Variants in CCSER1 observed in about 807,000 individuals in gnomAD.
The protein encoded by CCSER1 is serine-rich coiled-coil domain-containing protein 1.
In CCSER1, 41 loss-of-function variants were observed where a neutral mutation model predicts 82.0. The ratio of observed to expected loss-of-function variants is 0.50; its 90% CI spans 0.39 to 0.65. The LOEUF (loss-of-function observed/expected upper bound fraction) is 0.65, where lower values mean the gene tolerates loss of function less well. Ranked by LOEUF, CCSER1 falls within the 30% of genes least tolerant of loss-of-function variation. The probability of loss-of-function intolerance (pLI) is 0.00; values close to 1 mark genes in which losing one functional copy is unlikely to be tolerated. For missense variants in CCSER1, 1,119 were observed against 1,064.2 expected, an observed-to-expected ratio of 1.05 and a Z score of -0.72; for synonymous variants, 414 against 383.9, an observed-to-expected ratio of 1.08 and a Z score of -0.92.
intron 10 of CCSER1, among the ~76,000 whole-genome samples, chr4:91,359,233 T>C (rs1399987217): frequency 6.6e-6 from 1 of 151,852 alleles, no homozygotes; most frequent in Non-Finnish European, 1.5e-5. Flanking sequence ...TACTATACAA[T>C]GTCTGTAATC....
intron 10 of CCSER1, among the ~76,000 whole-genome samples, chr4:91,086,227 T>G (rs1032916434): frequency 1.3e-5 from 2 of 152,132 alleles, no homozygotes; most frequent in Non-Finnish European, 2.9e-5. Context: ...GTTGTTTCTC[T>G]GATTAGGCAA....
chr4:90,530,904 A>C (rs2153630192), intron 5 of CCSER1, among the ~76,000 whole-genome samples: 1 of 152,280 alleles, frequency 6.6e-6, no homozygotes, highest in South Asian at 2.1e-4. Context: ...CTGCCTCAAA[A>C]CTGTCCCCAT....
At chr4:90,622,360 G>T (rs1452929096) in intron 5 of CCSER1, among the ~76,000 whole-genome samples, 3 of 152,120 alleles carry the variant, frequency 2.0e-5, no homozygotes, top group African/African-American at 7.2e-5. Context: ...ATGTTGGTGT[G>T]CTGCACCCAT....
chr4:91,363,411 A>G (rs1228353006), intron 10 of CCSER1, among the ~76,000 whole-genome samples: 2 of 151,068 alleles, frequency 1.3e-5, no homozygotes, highest in African/African-American at 2.4e-5. Context: ...TACAGGGAAA[A>G]GAAGACATAA....
intron 10 of CCSER1, among the ~76,000 whole-genome samples, chr4:91,137,629 C>T (rs1728613284): frequency 6.8e-6 from 1 of 146,056 alleles, no homozygotes; most frequent in Non-Finnish European, 1.5e-5. Flanking sequence ...GTCCCACCAA[C>T]AGTGTCAAAG....
rs568238654 is a variant in CCSER1, at chr4:91,002,504, C to T, written c.2172+79057C>T. Among the ~76,000 whole-genome samples the T allele has an allele frequency of 2.6e-4, 39 of 152,244 alleles. No individual in the cohort carries two copies. In the South Asian group the frequency reaches 8.1e-3, roughly 32 times the overall value. ...TAATTGGAGACCCTGTCTTCAAGCT[C>T]AGAAGTTCTTTATTCTGCTTGCTCC... On this transcript the variant is annotated intron_variant, in intron 9 of 10. Coordinates refer to ENST00000509176, the MANE Select transcript of CCSER1 (RefSeq NM_001145065.2).
At chr4:91,391,021 C>A (rs193247260) in intron 10 of CCSER1, among the ~76,000 whole-genome samples, 28 of 151,952 alleles carry the variant, frequency 1.8e-4, no homozygotes, top group Non-Finnish European at 1.3e-4. Context: ...TTTCAAGGAT[C>A]ATCTTTTGGC....
chr4:90,703,403 A>G (rs894945400), intron 6 of CCSER1, among the ~76,000 whole-genome samples: 3 of 152,156 alleles, frequency 2.0e-5, no homozygotes, highest in Admixed American at 6.5e-5. Flanking sequence ...CTATGTGGTC[A>G]ATTTTGGAAT....
chr4:90,616,683 T>A (rs867584667), intron 5 of CCSER1, among the ~76,000 whole-genome samples: 5 of 120,374 alleles, frequency 4.2e-5, no homozygotes, highest in East Asian at 2.4e-4. Flanking sequence ...TGGCTCTGTC[T>A]CACACACACA....
At position 91,353,106 on chromosome 4, in the gene CCSER1, A is replaced by T. The variant is rs1419933451; in HGVS notation, c.2218-245466A>T. Among the ~76,000 whole-genome samples the T allele has an allele frequency of 4.6e-5, 7 of 152,184 alleles. No homozygotes were observed. The East Asian group carries it at 1.3e-3, about 29-fold the overall frequency. ...AGCAGGACAGCAAATGCAAAGGACA[A>T]TTTCAACATCTTGTAGCAGGATAAG... On this transcript the variant is annotated intron_variant, in intron 10 of 10. Transcript: ENST00000509176.
chr4:90,319,358 A>G (rs1049967372), intron 3 of CCSER1, among the ~76,000 whole-genome samples: 4 of 152,154 alleles, frequency 2.6e-5, no homozygotes, highest in African/African-American at 7.2e-5. Flanking sequence ...GCTTGAAATT[A>G]AAAACAAGAC....
intron 6 of CCSER1, among the ~76,000 whole-genome samples, chr4:90,652,351 T>TAATACAATATA: frequency 6.6e-6 from 1 of 152,220 alleles, no homozygotes; most frequent in Non-Finnish European, 1.5e-5. Context: ...AATAATGTTG[T>TAATACAATATA]ATATGATTGT....
chr4:91,120,430 A>ATATATCTCAGTAATACT (rs1561564359), intron 10 of CCSER1, among the ~76,000 whole-genome samples: 1 of 152,012 alleles, frequency 6.6e-6, no homozygotes, highest in Non-Finnish European at 1.5e-5. Context: ...TCCACCTCTT[A>ATATATCTCAGTAATACT]GAGATTACTT....
intron 9 of CCSER1, among the ~76,000 whole-genome samples, chr4:90,933,289 C>T (rs192427651): frequency 6.7e-6 from 1 of 149,236 alleles, no homozygotes; most frequent in Non-Finnish European, 1.5e-5. Flanking sequence ...CCGGGTTCAC[C>T]GCATTCTCCT....
chr4:91,019,149 C>T (rs962126615), intron 9 of CCSER1, among the ~76,000 whole-genome samples: 13 of 151,344 alleles, frequency 8.6e-5, no homozygotes, highest in Admixed American at 4.6e-4. Flanking sequence ...AATTTTTTCT[C>T]GGTGTGCTGT....
At chr4:91,403,658 G>C (rs530518488) in intron 10 of CCSER1, among the ~76,000 whole-genome samples, 2 of 152,152 alleles carry the variant, frequency 1.3e-5, no homozygotes, top group South Asian at 4.1e-4. Flanking sequence ...GTAATCATGT[G>C]GTTTTTGTCT....
intron 10 of CCSER1, among the ~76,000 whole-genome samples, chr4:91,431,092 T>C (rs1008771039): frequency 1.3e-5 from 2 of 151,810 alleles, no homozygotes; most frequent in Admixed American, 6.6e-5. Context: ...AAAAGTTAGC[T>C]GGGCGTGGTG....
intron 10 of CCSER1, among the ~76,000 whole-genome samples, chr4:91,590,801 G>A (rs140351358): frequency 6.6e-6 from 1 of 152,138 alleles, no homozygotes; most frequent in East Asian, 1.9e-4. Context: ...CCAGAAGAAT[G>A]CCTGGTATAT....
chr4:91,365,020 G>A (rs1333925355), intron 10 of CCSER1, among the ~76,000 whole-genome samples: 1 of 152,138 alleles, frequency 6.6e-6, no homozygotes, highest in African/African-American at 2.4e-5. Flanking sequence ...ACAAATGGCA[G>A]ATAATATCTT....
Sources: gnomAD v4.1 joint callset for allele counts (sites outside exome capture counted in the v4.1 genomes callset) on GRCh38, gnomAD v4.1.1 for gene constraint, MANE v1.5 for transcripts, NCBI Gene and HGNC (gene_info 2026-07-23, HGNC 2026-07-21) for gene names.